PAM: variants seen among roughly 807,000 people sequenced by gnomAD.
PAM encodes the protein peptidyl-glycine alpha-amidating monooxygenase.
In PAM, 72 loss-of-function variants were observed where a neutral mutation model predicts 122.1. The ratio of observed to expected loss-of-function variants is 0.59; its 90% CI spans 0.49 to 0.72. The LOEUF (loss-of-function observed/expected upper bound fraction) is 0.72. PAM is among the 30% of genes least tolerant of loss of function. The pLI is 0.00. For missense variants in PAM, 1,106 were observed against 1,183.7 expected, an observed-to-expected ratio of 0.93 and a Z score of 0.96; for synonymous variants, 389 against 404.4, an observed-to-expected ratio of 0.96 and a Z score of 0.46.
rs112636115 is a variant in PAM, at chr5:102,783,926, T to G, written c.-374+28578T>G. ...ATCTTTTTTTTTTTGAGGTGGAGTC[T>G]CGCTCTGTCACCCAGGCTGGAGTGC... On this transcript the variant is annotated intron_variant, in intron 1 of 25. Transcript: ENST00000438793. Among the ~76,000 whole-genome samples, 284 of 151,178 alleles carry G rather than the reference T, an allele frequency of 1.9e-3. 2 individuals carry two copies. Among genetic ancestry groups the G allele is most frequent in the Non-Finnish European group, 2.9e-3 (195 of 67,720 alleles).
intron 1 of PAM, among the ~76,000 whole-genome samples, chr5:102,758,080 T>G (rs1409319724): frequency 3.3e-4 from 11 of 33,060 alleles, no homozygotes; most frequent in Non-Finnish European, 4.3e-4. Context: ...TTTGTTTTTT[T>G]TTTTTTTTTT....
At chr5:102,821,610 A>G (rs1390969581) in intron 1 of PAM, among the ~76,000 whole-genome samples, 2 of 152,194 alleles carry the variant, frequency 1.3e-5, no homozygotes, top group Non-Finnish European at 2.9e-5. Flanking sequence ...TTGAGTACCT[A>G]CTGTGTGTCA....
chr5:103,026,733 C>T (rs1450076639), intron 24 of PAM, among the ~76,000 whole-genome samples: 1 of 152,062 alleles, frequency 6.6e-6, no homozygotes, highest in East Asian at 1.9e-4. Flanking sequence ...ATCAACCGAG[C>T]TCACAGAATA....
Position 103,029,021 on chromosome 5 carries a change from G to A in PAM, c.2878G>A (p.Glu960Lys), listed in dbSNP as rs1284266812. Residue 960 changes from glutamate to lysine, a missense_variant, in exon 26 of 26, where the codon GAG (glutamate) becomes AAG (lysine). Transcript: ENST00000438793. ...KEDDGSESEE[E>K]YSAPLPALAP... ...GGATGATGGAAGTGAATCAGAAGAG[G>A]AGTATTCAGCACCTCTGCCTGCGCT... 2 of 1,613,680 alleles carry A rather than the reference G, an allele frequency of 1.2e-6. No individual in the cohort carries two copies. Among genetic ancestry groups the A allele is most frequent in the African/African-American group, 2.7e-5 (2 of 74,876 alleles).
At chr5:102,908,400 G>C (rs1800276480) in intron 4 of PAM, among the ~76,000 whole-genome samples, 1 of 151,952 alleles carries the variant, frequency 6.6e-6, no homozygotes, top group African/African-American at 2.4e-5. Flanking sequence ...TTGAAGTCAG[G>C]TAGTGTGATG....
intron 1 of PAM, among the ~76,000 whole-genome samples, chr5:102,782,455 T>G (rs1336718931): frequency 1.3e-5 from 2 of 152,208 alleles, no homozygotes; most frequent in Non-Finnish European, 2.9e-5. Context: ...TAAATATGAT[T>G]GACAGCTATA....
chr5:102,799,185 A>C (rs1764085863), intron 1 of PAM, among the ~76,000 whole-genome samples: 1 of 152,214 alleles, frequency 6.6e-6, no homozygotes, highest in Non-Finnish European at 1.5e-5. Context: ...TAATCACTAA[A>C]TCACATCGGA....
intron 14 of PAM, among the ~76,000 whole-genome samples, chr5:102,963,171 T>G (rs1321854622): frequency 6.6e-6 from 1 of 151,844 alleles, no homozygotes; most frequent in Non-Finnish European, 1.5e-5. Context: ...CTGTGTATGA[T>G]CCTACCAGTC....
At position 103,006,931 on chromosome 5, in the gene PAM, T is replaced by C; in HGVS notation, c.1934T>C (p.Ile645Thr). Residue 645 changes from isoleucine to threonine, a missense_variant, in exon 19 of 26, where the codon ATT becomes ACT. Around this residue, in one of 3 missense-constraint regions of PAM, gnomAD observed 103 missense variants for 157.9 expected, o/e 0.65. Transcript: ENST00000438793. ...DVAVDPGTGAIYVSDGYCNSR... is the reference protein window; with the variant it reads ...DVAVDPGTGATYVSDGYCNSR... ...GCTGTGGATCCAGGCACTGGAGCCA[T>C]TTATGTATCAGATGGTTACTGCAAC... is the stretch of plus-strand genomic sequence containing the variant. The C allele has an allele frequency of 6.2e-7, 1 of 1,613,944 alleles. No individual in the cohort carries two copies. Among genetic ancestry groups the C allele is most frequent in the Non-Finnish European group, 8.5e-7 (1 of 1,179,858 alleles).
intron 7 of PAM, among the ~76,000 whole-genome samples, chr5:102,939,729 G>C (rs1379618372): frequency 1.3e-5 from 2 of 151,944 alleles, no homozygotes; most frequent in Non-Finnish European, 2.9e-5. Context: ...AATGTTCAAA[G>C]TGTATTCCCT....
chr5:103,003,490 T>C (rs1216064992), intron 17 of PAM, among the ~76,000 whole-genome samples: 3 of 152,198 alleles, frequency 2.0e-5, no homozygotes, highest in South Asian at 2.1e-4. Context: ...TTTGAGGTGA[T>C]GGATATGTTC....
intron 1 of PAM, among the ~76,000 whole-genome samples, chr5:102,799,490 A>G (rs1764154521): frequency 6.6e-6 from 1 of 152,174 alleles, no homozygotes; most frequent in African/African-American, 2.4e-5. Context: ...AGTTTTAACT[A>G]TTTCAAGGCT....
chr5:102,949,474 G>A, intron 9 of PAM, 63 bp from the exon 10 acceptor site: 1 of 858,092 alleles, frequency 1.2e-6, no homozygotes, highest in South Asian at 1.3e-5. Flanking sequence ...CATAATTTTA[G>A]ATAAGAATAA....
intron 1 of PAM, among the ~76,000 whole-genome samples, chr5:102,851,184 A>C (rs965698679): frequency 6.6e-6 from 1 of 152,164 alleles, no homozygotes; most frequent in Non-Finnish European, 1.5e-5. Context: ...ATTACTATTG[A>C]CTTTCTCCTT....
chr5:102,857,919 G>A (rs952336345), intron 1 of PAM, among the ~76,000 whole-genome samples: 7 of 152,230 alleles, frequency 4.6e-5, no homozygotes, highest in Non-Finnish European at 7.3e-5. Flanking sequence ...TCTGTTTTGT[G>A]TTGAAGAGTA....
At chr5:102,943,861 T>A (rs1237259034) in intron 7 of PAM, among the ~76,000 whole-genome samples, 1 of 152,180 alleles carries the variant, frequency 6.6e-6, no homozygotes, top group African/African-American at 2.4e-5. Flanking sequence ...GCCCAGACCC[T>A]TGTGAAGCAG....
At chr5:103,028,863 C>G in intron 25 of PAM, 24 bp from the exon 26 acceptor site, 1 of 1,562,874 alleles carries the variant, frequency 6.4e-7, no homozygotes, top group Non-Finnish European at 8.7e-7. Flanking sequence ...TTACCCAATT[C>G]TGTTATTGTT....
intron 3 of PAM, among the ~76,000 whole-genome samples, chr5:102,888,830 C>G (rs1793948462): frequency 6.6e-6 from 1 of 151,628 alleles, no homozygotes; most frequent in Non-Finnish European, 1.5e-5. Flanking sequence ...TTTAAAATAC[C>G]CTTTTTACAA....
chr5:102,907,680 A>G (rs1235284022), intron 4 of PAM, among the ~76,000 whole-genome samples: 23 of 151,620 alleles, frequency 1.5e-4, no homozygotes, highest in South Asian at 6.2e-4. Flanking sequence ...GGTGTGAGAT[A>G]GTATCTCATT....
Sources: allele counts gnomAD v4.1 joint callset (sites outside exome capture counted in the v4.1 genomes callset), GRCh38; gene constraint gnomAD v4.1.1; regional missense constraint gnomAD v4.1.1; transcripts MANE v1.5; gene names NCBI Gene and HGNC (gene_info 2026-07-23, HGNC 2026-07-21).